KLF12: variants seen among roughly 807,000 people sequenced by gnomAD.
KLF12 encodes the protein KLF transcription factor 12, also known as Krueppel-like factor 12.
KLF12 carries 9 observed loss-of-function variants against 37.8 expected under a neutral mutation model. The ratio of observed to expected loss-of-function variants is 0.24; its 90% CI spans 0.14 to 0.42. The LOEUF is 0.42. KLF12 is among the 10% of genes least tolerant of loss of function. The pLI, the probability that KLF12 is intolerant of heterozygous loss-of-function variation, is 1.00. For missense variants in KLF12, 411 were observed against 516.0 expected (o/e 0.80, Z 1.97); for synonymous variants, 208 against 202.1 (o/e 1.03, Z -0.25).
At chr13:74,232,251 TC>T in the KLF12 span, among the ~76,000 whole-genome samples, 1 of 152,200 alleles carries the variant, frequency 6.6e-6, no homozygotes, top group Non-Finnish European at 1.5e-5. Flanking sequence ...ACAATGAAAC[TC>T]CACCTCTCTG....
intron 6 of KLF12, among the ~76,000 whole-genome samples, chr13:73,755,619 C>CT (rs59024911): frequency 1.0e-3 from 80 of 79,748 alleles, no homozygotes; most frequent in South Asian, 3.3e-3. Context: ...CACTTTCTCT[C>CT]TTTTTTTTTT....
chr13:74,257,102 T>C, the KLF12 span: 1 of 152,122 alleles, frequency 6.6e-6, no homozygotes, highest in South Asian at 2.1e-4. Context: ...TTTTCCTAGT[T>C]ATAGAGCCTA....
the KLF12 span, among the ~76,000 whole-genome samples, chr13:74,284,238 C>T: frequency 6.6e-6 from 1 of 152,052 alleles, no homozygotes; most frequent in Non-Finnish European, 1.5e-5. Context: ...AGTGGACCCA[C>T]CCTTAATGCC....
chr13:74,229,094 G>A, the KLF12 span, among the ~76,000 whole-genome samples: 3 of 152,138 alleles, frequency 2.0e-5, no homozygotes, highest in African/African-American at 7.2e-5. Flanking sequence ...GACAAACAAG[G>A]AAACATGCCC....
intron 7 of KLF12, among the ~76,000 whole-genome samples, chr13:73,706,248 AAC>A (rs1171519847): frequency 6.6e-6 from 1 of 152,238 alleles, no homozygotes; most frequent in East Asian, 1.9e-4. Flanking sequence ...AGAATTATGA[AAC>A]ACAACTCATT....
rs180693269 is a variant in KLF12, at chr13:73,941,686, G to A, written c.123+2295C>T. ...CTAGACTTTGTTTCAAACAAGAGTT[G>A]ATTTAAAGCATTACAAAATTGTTAA... On this transcript the variant is annotated intron_variant, in intron 3 of 7. Coordinates refer to ENST00000377669, the MANE Select transcript of KLF12 (RefSeq NM_007249.5). 2.8e-4 allele frequency among the ~76,000 whole-genome samples: 43 copies of A among 152,186 alleles called. No individual in the cohort carries two copies. The East Asian group carries it at 8.1e-3, about 29-fold the overall frequency.
intron 3 of KLF12, among the ~76,000 whole-genome samples, chr13:73,874,875 G>C (rs1478632580): frequency 6.6e-6 from 1 of 152,130 alleles, no homozygotes; most frequent in East Asian, 1.9e-4. Context: ...ATTAACCAAA[G>C]AGAAATTTTA....
intron 6 of KLF12, among the ~76,000 whole-genome samples, chr13:73,753,326 C>A (rs9565038): frequency 5.3e-5 from 8 of 152,022 alleles, no homozygotes; most frequent in East Asian, 1.9e-4. Flanking sequence ...GTGCCCAGAC[C>A]CTCACCCAGA....
At chr13:74,206,512 T>C in the KLF12 span, among the ~76,000 whole-genome samples, 1 of 152,224 alleles carries the variant, frequency 6.6e-6, no homozygotes, top group Non-Finnish European at 1.5e-5. Context: ...TCTTCTCTTT[T>C]CTTCCATTCT....
At chr13:73,876,238 T>C (rs1886698006) in intron 3 of KLF12, among the ~76,000 whole-genome samples, 1 of 152,110 alleles carries the variant, frequency 6.6e-6, no homozygotes, top group East Asian at 1.9e-4. Flanking sequence ...TACCACAGAT[T>C]ATTGGCTGAA....
intron 6 of KLF12, among the ~76,000 whole-genome samples, chr13:73,726,946 C>A (rs1057366043): frequency 6.6e-6 from 1 of 152,192 alleles, no homozygotes; most frequent in East Asian, 1.9e-4. Context: ...TCCTCACCAA[C>A]GCATAATGTC....
chr13:74,237,411 A>G, the KLF12 span, among the ~76,000 whole-genome samples: 1 of 142,336 alleles, frequency 7.0e-6, no homozygotes, highest in Admixed American at 6.8e-5. Context: ...CTCAGGATTG[A>G]TTTGGCGACG....
the KLF12 span, among the ~76,000 whole-genome samples, chr13:74,180,291 T>C: frequency 2.0e-5 from 3 of 152,354 alleles, no homozygotes; most frequent in East Asian, 5.8e-4. Context: ...GGGAAATGCT[T>C]GGTCTGACAG....
At chr13:73,941,303 C>A (rs1890176323) in intron 3 of KLF12, among the ~76,000 whole-genome samples, 1 of 152,110 alleles carries the variant, frequency 6.6e-6, no homozygotes, top group East Asian at 1.9e-4. Context: ...ATGTCTATAA[C>A]CCCAGCTACT....
intron 3 of KLF12, 57 bp from the exon 4 acceptor site, chr13:73,846,430 T>C (rs904521374): frequency 1.2e-4 from 177 of 1,436,328 alleles, no homozygotes; most frequent in Admixed American, 2.2e-4. Flanking sequence ...ATTTTATCGA[T>C]GCATGGCTTA....
At chr13:74,015,120 T>C (rs1479849556) in intron 1 of KLF12, among the ~76,000 whole-genome samples, 1 of 152,190 alleles carries the variant, frequency 6.6e-6, no homozygotes, top group Non-Finnish European at 1.5e-5. Context: ...TACATCTAAT[T>C]GTAAAACAAT....
intron 5 of KLF12, among the ~76,000 whole-genome samples, chr13:73,787,756 T>A (rs1365554740): frequency 6.6e-6 from 1 of 152,180 alleles, no homozygotes; most frequent in African/African-American, 2.4e-5. Context: ...ATGATTTGAC[T>A]TGGAGACTAT....
intron 3 of KLF12, among the ~76,000 whole-genome samples, chr13:73,937,947 A>T (rs1222470548): frequency 1.3e-5 from 2 of 152,224 alleles, no homozygotes; most frequent in Non-Finnish European, 2.9e-5. Flanking sequence ...GCCATAACAC[A>T]GCAACTGCAA....
intron 3 of KLF12, among the ~76,000 whole-genome samples, chr13:73,940,441 G>A (rs998495833): frequency 2.0e-5 from 3 of 152,046 alleles, no homozygotes; most frequent in African/African-American, 7.2e-5. Flanking sequence ...CAAACAGAAG[G>A]CACACAGAGG....
Sources: allele counts gnomAD v4.1 joint callset (sites outside exome capture counted in the v4.1 genomes callset), GRCh38; gene constraint gnomAD v4.1.1; transcripts MANE v1.5; gene names NCBI Gene and HGNC (gene_info 2026-07-23, HGNC 2026-07-21).